RAB40A: variants seen among roughly 807,000 people sequenced by gnomAD.
RAB40A encodes ras-related protein Rab-40A.
For synonymous variants in RAB40A, 65 were observed against 99.9 expected (o/e 0.65, Z 2.08); for missense variants, 145 against 230.2 (o/e 0.63, Z 2.40).
intron 2 of RAB40A, among the ~76,000 whole-genome samples, chrX:103,503,973 T>C (rs2073241921): frequency 8.9e-6 from 1 of 112,001 alleles, no homozygotes; most frequent in African/African-American, 3.2e-5. Flanking sequence ...CTTTTGACAA[T>C]CTGTTCAAAA....
At chrX:103,503,860 GAC>G (rs765010115) in intron 2 of RAB40A, among the ~76,000 whole-genome samples, 19 of 111,651 alleles carry the variant, frequency 1.7e-4, no homozygotes, top group African/African-American at 5.5e-4. Flanking sequence ...GCTAGACCTA[GAC>G]ACACACACAC....
At chrX:103,493,318 T>C in the RAB40A span, among the ~76,000 whole-genome samples, 1 of 111,623 alleles carries the variant, frequency 9.0e-6, no homozygotes, top group Non-Finnish European at 1.9e-5. Flanking sequence ...ATAATAGGCA[T>C]ATATATTTTT....
rs1187911246 is a variant in RAB40A at position 103,500,174 on chromosome X, G to T, written c.583C>A (p.Leu195Ile). The change falls in exon 3 of 3, where the codon CTC becomes ATC. Residue 195 changes from leucine (L) to isoleucine (I), a missense_variant. Transcript: ENST00000304236. ...CAGGACACGATGGTGCGGCAGCAGAGGTCTTGCAAGCTCAGTACCTTGCTC... is the reference window on the plus strand; with the variant it reads ...CAGGACACGATGGTGCGGCAGCAGATGTCTTGCAAGCTCAGTACCTTGCTC... ...RPSKVLSLQD[L>I]CCRTIVSCTP... 8 of 1,210,551 alleles carry T rather than the reference G, an allele frequency of 6.6e-6. No homozygotes were observed. The highest frequency in any genetic ancestry group is 2.2e-5 in the Admixed American group (1 of 45,945).
intron 2 of RAB40A, among the ~76,000 whole-genome samples, chrX:103,516,952 C>T (rs2073319974): frequency 9.0e-6 from 1 of 111,063 alleles, no homozygotes; most frequent in South Asian, 3.8e-4. Flanking sequence ...TACAGCTGGC[C>T]CAGACCCAAT....
chrX:103,514,353 CT>C (rs1268525296), intron 2 of RAB40A, among the ~76,000 whole-genome samples: 1 of 111,116 alleles, frequency 9.0e-6, no homozygotes, highest in Non-Finnish European at 1.9e-5. Context: ...CTTTGAATTT[CT>C]TTTTTTTGTT....
chrX:103,510,232 C>T (rs1286151430), intron 2 of RAB40A, among the ~76,000 whole-genome samples: 1 of 112,059 alleles, frequency 8.9e-6, no homozygotes, highest in Non-Finnish European at 1.9e-5. Context: ...CCAATTGTCC[C>T]ACTCCCTAAC....
chrX:103,516,399 G>A (rs2073316776), intron 2 of RAB40A, among the ~76,000 whole-genome samples: 2 of 111,843 alleles, frequency 1.8e-5, no homozygotes, highest in African/African-American at 6.5e-5. Context: ...GCAGCAGTGA[G>A]CCACAGCTCC....
At chrX:103,510,050 C>T (rs183841020) in intron 2 of RAB40A, among the ~76,000 whole-genome samples, 18 of 111,803 alleles carry the variant, frequency 1.6e-4, no homozygotes, top group Admixed American at 2.8e-4. Flanking sequence ...GTGATCCACC[C>T]GCCTCAACCT....
rs1402636062 is a variant in RAB40A at position 103,499,219 on chromosome X, A to G, written c.*704T>C. 8.3e-6 allele frequency: 1 copy of G among 120,684 alleles called. No individual in the cohort carries two copies. Among genetic ancestry groups the G allele is most frequent in the Admixed American group, 9.4e-5 (1 of 10,680 alleles). 9.9% of individuals were successfully genotyped at this position (120,684 alleles called of 1,213,427 possible). On this transcript the variant is annotated 3_prime_UTR_variant, in exon 3 of 3. Coordinates refer to ENST00000304236, the MANE Select transcript of RAB40A (RefSeq NM_080879.3). ...TTTCTTATTGATCCATTGAAACCAT[A>G]TTGGCTATGTTCAACATAACTAGAG...
downstream of RAB40A, among the ~76,000 whole-genome samples, chrX:103,496,765 G>A (rs1233359266): frequency 8.9e-6 from 1 of 112,368 alleles, no homozygotes; most frequent in Admixed American, 9.4e-5. Context: ...CAGCCTTCAC[G>A]TTATCTGACT....
At chrX:103,509,315 C>G (rs1280598398) in intron 2 of RAB40A, among the ~76,000 whole-genome samples, 1 of 103,336 alleles carries the variant, frequency 9.7e-6, no homozygotes, top group African/African-American at 3.8e-5. Context: ...CTCTCTCTCT[C>G]TCTCTGTCTC....
intron 2 of RAB40A, among the ~76,000 whole-genome samples, chrX:103,507,061 C>T (rs1158632603): frequency 2.9e-5 from 3 of 102,108 alleles, no homozygotes; most frequent in African/African-American, 7.3e-5. Flanking sequence ...CAACAAGCCC[C>T]GGTGTGTGAT....
chrX:103,500,803 C>A lies in RAB40A; in HGVS notation c.-47G>T. 8.5e-7 allele frequency: 1 copy of A among 1,177,362 alleles called. No homozygotes were observed. Among genetic ancestry groups the A allele is most frequent in the Non-Finnish European group, 1.1e-6 (1 of 879,401 alleles). On this transcript the variant is annotated 5_prime_UTR_variant, in exon 3 of 3. Transcript: ENST00000304236. ...CCTGAGCCAGGCCCGCGGGGTTGTGCGCAGAGGTGGTGCCGGGCCTGTTCT... is the reference window on the plus strand; with the variant it reads ...CCTGAGCCAGGCCCGCGGGGTTGTGAGCAGAGGTGGTGCCGGGCCTGTTCT...
At chrX:103,516,508 C>A (rs765320809) in intron 2 of RAB40A, among the ~76,000 whole-genome samples, 2 of 111,194 alleles carry the variant, frequency 1.8e-5, no homozygotes, top group Non-Finnish European at 3.8e-5. Context: ...CTCATCTTGT[C>A]TACAAATGCC....
chrX:103,510,341 A>G (rs958943870), intron 2 of RAB40A, among the ~76,000 whole-genome samples: 1 of 112,136 alleles, frequency 8.9e-6, no homozygotes, highest in African/African-American at 3.2e-5. Flanking sequence ...GGGAACTACG[A>G]GCACCAAATG....
At chrX:103,510,731 A>C (rs906603050) in intron 2 of RAB40A, among the ~76,000 whole-genome samples, 20 of 112,714 alleles carry the variant, frequency 1.8e-4, no homozygotes, top group African/African-American at 5.8e-4. Flanking sequence ...TATAATAAAT[A>C]GCTACTGCTT....
chrX:103,506,203 G>A (rs2073253940), intron 2 of RAB40A, among the ~76,000 whole-genome samples: 1 of 111,355 alleles, frequency 9.0e-6, no homozygotes, highest in Admixed American at 9.6e-5. Flanking sequence ...GGTGAAGTCT[G>A]GACTTTCAGT....
intron 2 of RAB40A, among the ~76,000 whole-genome samples, chrX:103,512,980 G>A (rs2858078): frequency 9.0e-6 from 1 of 111,457 alleles, no homozygotes; most frequent in African/African-American, 3.3e-5. Flanking sequence ...TCACCGTTAG[G>A]AATGATAACA....
chrX:103,498,690 G>C (rs1238398553), downstream of RAB40A, among the ~76,000 whole-genome samples: 5 of 112,205 alleles, frequency 4.5e-5, no homozygotes. Flanking sequence ...GGAAGGGTGA[G>C]TCCCCACAGC....
Sources: gnomAD v4.1 joint callset for allele counts (sites outside exome capture counted in the v4.1 genomes callset) on GRCh38, gnomAD v4.1.1 for gene constraint, MANE v1.5 for transcripts, NCBI Gene and HGNC (gene_info 2026-07-23, HGNC 2026-07-21) for gene names.